Variants in ATM observed in about 807,000 individuals in gnomAD.
ATM encodes serine-protein kinase ATM.
Under a neutral mutation model 387.0 loss-of-function variants are expected in ATM, and 308 were observed. That is an observed-to-expected ratio of 0.80 (90% confidence interval 0.73 to 0.87). The LOEUF (loss-of-function observed/expected upper bound fraction) is 0.87. ATM is among the 40% of genes least tolerant of loss of function. The pLI is 0.00. For synonymous variants in ATM, 1,156 were observed against 1,187.3 expected, an observed-to-expected ratio of 0.97 and a Z score of 0.54; for missense variants, 3,312 against 3,560.9, an observed-to-expected ratio of 0.93 and a Z score of 1.78.
At chr11:108,249,200 T>C in intron 9 of ATM, 98 bp downstream of exon 9, 1 of 1,393,088 alleles carries the variant, frequency 7.2e-7, no homozygotes, top group African/African-American at 1.4e-5. Flanking sequence ...CAACCAGAAC[T>C]AAGTCATTTG....
At chr11:108,322,005 T>C (rs2085269160) in intron 45 of ATM, among the ~76,000 whole-genome samples, 1 of 152,186 alleles carries the variant, frequency 6.6e-6, no homozygotes, top group South Asian at 2.1e-4. Context: ...TGTTTTTGCA[T>C]AGCATGATAA....
At chr11:108,309,500 T>A (rs767824669) in intron 38 of ATM, among the ~76,000 whole-genome samples, 7 of 152,166 alleles carry the variant, frequency 4.6e-5, no homozygotes, top group Non-Finnish European at 7.4e-5. Context: ...TTGCTGAAGA[T>A]CACACAGCTG....
chr11:108,339,384 C>T (rs2087231483), intron 56 of ATM, among the ~76,000 whole-genome samples: 1 of 152,096 alleles, frequency 6.6e-6, no homozygotes, highest in Admixed American at 6.5e-5. Flanking sequence ...GAGCATCTAT[C>T]TCAGTCATGG....
chr11:108,317,572 A>G (rs370827200), intron 43 of ATM, 51 bp downstream of exon 43: 2 of 1,515,232 alleles, frequency 1.3e-6, no homozygotes, highest in Non-Finnish European at 1.8e-6. Context: ...CTCATTCTAA[A>G]CAACAACTGT....
intron 25 of ATM, among the ~76,000 whole-genome samples, chr11:108,283,999 A>G (rs1470305106): frequency 1.3e-5 from 2 of 152,032 alleles, no homozygotes; most frequent in Non-Finnish European, 2.9e-5. Flanking sequence ...CCATTTTTAA[A>G]TCCCATAATT....
intron 17 of ATM, 32 bp from the exon 18 acceptor site, chr11:108,268,378 T>TC (rs1035582582): frequency 6.2e-7 from 1 of 1,601,148 alleles, no homozygotes; most frequent in Non-Finnish European, 8.5e-7. Flanking sequence ...TGTGCCCTTC[T>TC]CTTAGTGTTA....
In ATM at chr11:108,368,894, T is replaced by C. The variant is rs754664818; in HGVS notation, c.*3386T>C. 1.0e-5 allele frequency: 2 copies of C among 199,592 alleles called. No individual in the cohort carries two copies. Among genetic ancestry groups the C allele is most frequent in the Non-Finnish European group, 1.0e-5 (1 of 96,712 alleles). 12.4% of individuals were successfully genotyped at this position (199,592 alleles called of 1,614,324 possible). ...CAAATAAAAGCAAAGAGGAAAAACTTTGGACAGCGTAAAGACTAGAATAGT... is the reference window on the plus strand; with the variant it reads ...CAAATAAAAGCAAAGAGGAAAAACTCTGGACAGCGTAAAGACTAGAATAGT... On this transcript the variant is annotated 3_prime_UTR_variant, in exon 63 of 63. Coordinates refer to ENST00000675843, the MANE Select transcript of ATM (RefSeq NM_000051.4).
chr11:108,354,878 A>T lies in ATM; in HGVS notation c.8850+4A>T. The T allele has an allele frequency of 6.2e-7, 1 of 1,610,328 alleles. No homozygotes were observed. The highest frequency in any genetic ancestry group is 8.5e-7 in the Non-Finnish European group (1 of 1,176,560). The stretch of plus-strand genomic sequence containing the variant: ...AACTCTGTTAACCATTGTAGAGGTA[A>T]AGTATTTTATAAGGAAGACTTTATT... On this transcript the variant is annotated splice_donor_region_variant and intron_variant, in intron 61 of 62. Transcript: ENST00000675843.
intron 33 of ATM, among the ~76,000 whole-genome samples, chr11:108,297,643 A>G (rs1015984073): frequency 8.5e-5 from 13 of 152,206 alleles, no homozygotes; most frequent in Admixed American, 8.5e-4. Context: ...TAAGCAAAGC[A>G]TGATTGTATT....
intron 22 of ATM, among the ~76,000 whole-genome samples, chr11:108,274,748 A>G (rs1404449596): frequency 6.6e-6 from 1 of 151,912 alleles, no homozygotes; most frequent in Non-Finnish European, 1.5e-5. Context: ...TACGATTTCC[A>G]TTCTTTTGCA....
At chr11:108,325,596 A>AT (rs769913384) in intron 46 of ATM, 52 bp downstream of exon 46, 4 of 1,455,852 alleles carry the variant, frequency 2.7e-6, no homozygotes, top group Non-Finnish European at 2.9e-6. Flanking sequence ...TCCTTTTATT[A>AT]TTTAAAAAAC....
At chr11:108,362,281 T>C (rs2090859654) in intron 61 of ATM, among the ~76,000 whole-genome samples, 1 of 150,186 alleles carries the variant, frequency 6.7e-6, no homozygotes, top group African/African-American at 2.4e-5. Context: ...ATGGCAGTCA[T>C]TAAAAAGTCA....
At chr11:108,248,407 T>A (rs1440031517) in intron 8 of ATM, among the ~76,000 whole-genome samples, 1 of 152,224 alleles carries the variant, frequency 6.6e-6, no homozygotes, top group Admixed American at 6.5e-5. Context: ...ATAAAACTAA[T>A]GCATTACTTG....
intron 18 of ATM, among the ~76,000 whole-genome samples, chr11:108,269,090 C>G (rs777126605): frequency 1.4e-4 from 22 of 152,288 alleles, no homozygotes; most frequent in Non-Finnish European, 3.1e-4. Flanking sequence ...ACATCATTTT[C>G]TCTGAACCAT....
intron 58 of ATM, 151 bp downstream of exon 58, chr11:108,346,059 T>G: frequency 1.2e-6 from 1 of 839,588 alleles, no homozygotes; most frequent in Non-Finnish European, 1.9e-6. Flanking sequence ...TATTAAATCA[T>G]ATGTTTCTTG....
intron 10 of ATM, 141 bp from the exon 11 acceptor site, chr11:108,251,696 C>A: frequency 1.2e-6 from 1 of 822,866 alleles, no homozygotes; most frequent in Non-Finnish European, 2.0e-6. Context: ...AGAATCTTCC[C>A]AAATGTAATC....
Position 108,335,192 on chromosome 11 carries a change from G to A in ATM, c.8151+83G>A, listed in dbSNP as rs755987673. 2.7e-5 allele frequency: 44 copies of A among 1,601,002 alleles called. No individual in the cohort carries two copies. In the Middle Eastern group the frequency reaches 1.3e-3, roughly 48 times the overall value. On this transcript the variant is annotated intron_variant, in intron 55 of 62. Transcript: ENST00000675843. ...TCATATTTTCTTTCTGCTTTATTTGGGATTTTGTCTTTATTTTGAATACTT... is the reference window on the plus strand; with the variant it reads ...TCATATTTTCTTTCTGCTTTATTTGAGATTTTGTCTTTATTTTGAATACTT...
intron 38 of ATM, 138 bp downstream of exon 38, chr11:108,308,122 T>C (rs1483256056): frequency 3.6e-6 from 3 of 836,480 alleles, no homozygotes; most frequent in Non-Finnish European, 3.9e-6. Context: ...TTATATCTCC[T>C]TGCAGTAATC....
intron 1 of ATM, chr11:108,224,254 A>G (rs1269985397): frequency 6.6e-6 from 1 of 152,242 alleles, no homozygotes; most frequent in East Asian, 1.9e-4. Flanking sequence ...GAACTAATAC[A>G]ATCTGACTAC....
Sources: gnomAD v4.1 joint callset for allele counts (sites outside exome capture counted in the v4.1 genomes callset) on GRCh38, gnomAD v4.1.1 for gene constraint, MANE v1.5 for transcripts, NCBI Gene and HGNC (gene_info 2026-07-23, HGNC 2026-07-21) for gene names.